DYRK1A: variants seen among roughly 807,000 people sequenced by gnomAD.
The protein encoded by DYRK1A is dual specificity tyrosine phosphorylation regulated kinase 1A.
In DYRK1A, 9 loss-of-function variants were observed where a neutral mutation model predicts 79.7. The observed-to-expected ratio is 0.11, with a 90% CI of 0.07 to 0.20. The LOEUF (loss-of-function observed/expected upper bound fraction) is 0.20. Ranked by LOEUF, DYRK1A falls within the 10% of genes least tolerant of loss-of-function variation. The pLI, the probability that DYRK1A is intolerant of heterozygous loss-of-function variation, is 1.00. For missense variants in DYRK1A, 622 were observed against 956.0 expected (o/e 0.65, Z 4.61); for synonymous variants, 349 against 329.7 (o/e 1.06, Z -0.63).
At chr21:37,445,841 A>G (rs984301534) in intron 2 of DYRK1A, among the ~76,000 whole-genome samples, 1 of 152,178 alleles carries the variant, frequency 6.6e-6, no homozygotes, top group African/African-American at 2.4e-5. Flanking sequence ...AACCAATATT[A>G]GCAGTCTTAA....
At chr21:37,408,613 A>G (rs2050190979) in intron 1 of DYRK1A, among the ~76,000 whole-genome samples, 1 of 152,228 alleles carries the variant, frequency 6.6e-6, no homozygotes, top group Non-Finnish European at 1.5e-5. Flanking sequence ...TAGCAAAAGT[A>G]CTAGCTTTTG....
At chr21:37,407,451 C>T (rs2050169269) in intron 1 of DYRK1A, among the ~76,000 whole-genome samples, 1 of 152,130 alleles carries the variant, frequency 6.6e-6, no homozygotes, top group Non-Finnish European at 1.5e-5. Flanking sequence ...ACCTGCACTT[C>T]TGTAACAGAG....
At chr21:37,470,569 A>C (rs1159284119) in intron 2 of DYRK1A, among the ~76,000 whole-genome samples, 1 of 152,170 alleles carries the variant, frequency 6.6e-6, no homozygotes, top group Non-Finnish European at 1.5e-5. Flanking sequence ...TTGAATGGTT[A>C]AGAAATTTGC....
intron 3 of DYRK1A, among the ~76,000 whole-genome samples, chr21:37,473,503 G>A (rs2052297556): frequency 6.6e-6 from 1 of 152,092 alleles, no homozygotes; most frequent in Non-Finnish European, 1.5e-5. Context: ...CACCGTCTAC[G>A]TTGAGTTTTG....
At chr21:37,378,177 T>C (rs2049585700) in intron 1 of DYRK1A, among the ~76,000 whole-genome samples, 1 of 152,244 alleles carries the variant, frequency 6.6e-6, no homozygotes, top group Non-Finnish European at 1.5e-5. Context: ...AGTTGTACTA[T>C]AAGATTTTTA....
chr21:37,398,620 C>T (rs1457563593), intron 1 of DYRK1A, among the ~76,000 whole-genome samples: 3 of 152,180 alleles, frequency 2.0e-5, no homozygotes, highest in Non-Finnish European at 2.9e-5. Context: ...CAAATGACAA[C>T]TTGATGCCTT....
chr21:37,386,692 G>C (rs916539097), intron 1 of DYRK1A, among the ~76,000 whole-genome samples: 1 of 103,896 alleles, frequency 9.6e-6, no homozygotes, highest in Non-Finnish European at 2.0e-5. Context: ...CTCACAATTG[G>C]AATTCCAGGG....
At chr21:37,448,485 G>A (rs546026017) in intron 2 of DYRK1A, among the ~76,000 whole-genome samples, 1 of 152,226 alleles carries the variant, frequency 6.6e-6, no homozygotes, top group African/African-American at 2.4e-5. Context: ...CTGCAAGTGA[G>A]CTATGGAGTA....
intron 9 of DYRK1A, chr21:37,504,527 G>A (rs2053540630): frequency 6.6e-6 from 1 of 152,172 alleles, no homozygotes; most frequent in South Asian, 2.1e-4. Flanking sequence ...ATTAGAGGAG[G>A]AACAATCATC....
chr21:37,492,965 C>A, intron 7 of DYRK1A, 52 bp from the exon 8 acceptor site: 1 of 1,426,808 alleles, frequency 7.0e-7, no homozygotes, highest in South Asian at 1.3e-5. Flanking sequence ...TAATCCAATG[C>A]TGACTGCAGT....
In DYRK1A at chr21:37,512,137, A is replaced by T. The variant is rs147650865; in HGVS notation, c.1871A>T (p.Tyr624Phe). ...ALGNRTRPRV[Y>F]NSPTNSSSTQ... ...GGTAACCGGACCAGGCCAAGGGTCTACAATTCTCCAACGAATAGCTCCTCT... is the reference window on the plus strand; with the variant it reads ...GGTAACCGGACCAGGCCAAGGGTCTTCAATTCTCCAACGAATAGCTCCTCT... The change falls in exon 12 of 12, where the codon TAC (tyrosine) becomes TTC (phenylalanine). Residue 624 changes from tyrosine (Y) to phenylalanine (F), a missense_variant. By Grantham distance (22) the Tyr-to-Phe change is conservative. Around this residue, in one of 5 missense-constraint regions of DYRK1A, gnomAD observed 292 missense variants for 316.7 expected, o/e 0.92. Coordinates refer to ENST00000647188, the MANE Select transcript of DYRK1A (RefSeq NM_001347721.2). 58 of 1,614,198 alleles carry T rather than the reference A, an allele frequency of 3.6e-5. No homozygotes were observed. In the Admixed American group the frequency reaches 8.0e-4, roughly 22 times the overall value.
chr21:37,428,389 C>A (rs541171596), intron 2 of DYRK1A, among the ~76,000 whole-genome samples: 1 of 152,142 alleles, frequency 6.6e-6, no homozygotes, highest in African/African-American at 2.4e-5. Flanking sequence ...ATGGTGATGA[C>A]CTTTTATGTA....
chr21:37,503,744 T>C (rs995347571), intron 9 of DYRK1A: 8 of 152,218 alleles, frequency 5.3e-5, no homozygotes, highest in South Asian at 4.1e-4. Flanking sequence ...GTTTTAAATA[T>C]AGTTTTTCTC....
chr21:37,502,972 G>A (rs1184391184), intron 9 of DYRK1A: 4 of 152,106 alleles, frequency 2.6e-5, no homozygotes, highest in South Asian at 4.1e-4. Context: ...ACACTGTTTC[G>A]GTAGAGAAGT....
chr21:37,374,335 A>C (rs1314845682), intron 1 of DYRK1A, among the ~76,000 whole-genome samples: 2 of 149,754 alleles, frequency 1.3e-5, no homozygotes, highest in African/African-American at 5.0e-5. Flanking sequence ...TTAAACGTAC[A>C]TTTACTATCT....
intron 6 of DYRK1A, chr21:37,487,392 T>C (rs372573749): frequency 6.6e-6 from 1 of 152,166 alleles, no homozygotes; most frequent in South Asian, 2.1e-4. Context: ...ATTTGATACA[T>C]GGGCAAAATA....
At chr21:37,501,168 T>G (rs895410165) in intron 9 of DYRK1A, among the ~76,000 whole-genome samples, 3 of 106,252 alleles carry the variant, frequency 2.8e-5, no homozygotes, top group Non-Finnish European at 6.8e-5. Flanking sequence ...TGTTGTTGGT[T>G]TTTTTTTTTT....
intron 8 of DYRK1A, among the ~76,000 whole-genome samples, chr21:37,495,205 T>TA (rs1218505310): frequency 6.8e-6 from 1 of 146,994 alleles, no homozygotes; most frequent in Non-Finnish European, 1.5e-5. Flanking sequence ...TGTGTGTGGT[T>TA]ATTTAACATG....
chr21:37,471,568 G>A (rs1370285866), intron 2 of DYRK1A, among the ~76,000 whole-genome samples: 1 of 152,192 alleles, frequency 6.6e-6, no homozygotes, highest in Admixed American at 6.5e-5. Flanking sequence ...ATGTACTAAA[G>A]CACTAAACCT....
Sources: gnomAD v4.1 joint callset for allele counts (sites outside exome capture counted in the v4.1 genomes callset) on GRCh38, gnomAD v4.1.1 for gene constraint, gnomAD v4.1.1 regional missense constraint, MANE v1.5 for transcripts, NCBI Gene and HGNC (gene_info 2026-07-23, HGNC 2026-07-21) for gene names.